Variants in CFAP69 observed in about 807,000 individuals in gnomAD.
CFAP69 encodes the protein cilia- and flagella-associated protein 69.
Under a neutral mutation model 123.0 loss-of-function variants are expected in CFAP69, and 92 were observed. The ratio of observed to expected loss-of-function variants is 0.75; its 90% CI spans 0.63 to 0.89. The LOEUF (loss-of-function observed/expected upper bound fraction) is 0.89, where lower values mean the gene tolerates loss of function less well. CFAP69 is among the 40% of genes least tolerant of loss of function. The pLI, the probability that CFAP69 is intolerant of heterozygous loss-of-function variation, is 0.00. For missense variants in CFAP69, 1,067 were observed against 1,096.9 expected, an observed-to-expected ratio of 0.97 and a Z score of 0.39; for synonymous variants, 380 against 364.3, an observed-to-expected ratio of 1.04 and a Z score of -0.49.
the CFAP69 span, chr7:90,320,806 C>T: frequency 6.6e-6 from 1 of 152,212 alleles, no homozygotes; most frequent in Admixed American, 6.5e-5. Context: ...GTGCAAATTC[C>T]CCAGACTGAG....
At chr7:90,286,716 T>A (rs997691084) in intron 14 of CFAP69, among the ~76,000 whole-genome samples, 2 of 152,168 alleles carry the variant, frequency 1.3e-5, no homozygotes, top group African/African-American at 4.8e-5. Flanking sequence ...CCCTATTCTT[T>A]AAGTTTATAT....
intron 22 of CFAP69, 122 bp from the exon 23 acceptor site, chr7:90,309,946 C>T (rs1039241320): frequency 1.4e-6 from 1 of 731,738 alleles, no homozygotes; most frequent in Admixed American, 2.6e-5. Context: ...TATACCATAA[C>T]TGCCTCCTAG....
intron 15 of CFAP69, among the ~76,000 whole-genome samples, chr7:90,294,499 G>T (rs1431443977): frequency 3.3e-5 from 5 of 151,878 alleles, no homozygotes; most frequent in Non-Finnish European, 7.4e-5. Context: ...CGCAGAAGAT[G>T]AAGGACTCCT....
At chr7:90,274,242 C>T (rs2116952406) in intron 9 of CFAP69, 132 bp downstream of exon 9, 1 of 1,067,436 alleles carries the variant, frequency 9.4e-7, no homozygotes, top group Non-Finnish European at 1.3e-6. Flanking sequence ...TCTTGATGGT[C>T]ACCAGTGTGC....
intron 1 of CFAP69, among the ~76,000 whole-genome samples, chr7:90,253,999 G>T (rs1032899825): frequency 1.3e-5 from 2 of 152,080 alleles, no homozygotes; most frequent in African/African-American, 4.8e-5. Flanking sequence ...AATCCATTTT[G>T]ATTTGATTTT....
intron 16 of CFAP69, 118 bp from the exon 17 acceptor site, chr7:90,299,749 T>C: frequency 1.2e-6 from 1 of 811,038 alleles, no homozygotes; most frequent in Non-Finnish European, 1.9e-6. Context: ...GAGATTTTCC[T>C]GACTCTGAGT....
intron 15 of CFAP69, among the ~76,000 whole-genome samples, chr7:90,291,444 G>A (rs2117211002): frequency 6.6e-6 from 1 of 152,200 alleles, no homozygotes; most frequent in Middle Eastern, 3.4e-3. Context: ...TATCCCCAAG[G>A]TCTTCATGAC....
the CFAP69 span, chr7:90,316,647 T>G: frequency 3.9e-5 from 6 of 152,186 alleles, no homozygotes; most frequent in African/African-American, 1.4e-4. Flanking sequence ...CAGATGACAC[T>G]ATTTGTGCCA....
At chr7:90,303,394 A>G in intron 17 of CFAP69, 1 of 201,786 alleles carries the variant, frequency 5.0e-6, no homozygotes, top group South Asian at 1.7e-4. Flanking sequence ...GCCAGTTTAC[A>G]AAGGGAATGC....
At chr7:90,268,435 A>T (rs1799468695) in intron 6 of CFAP69, 51 bp downstream of exon 6, 1 of 1,289,558 alleles carries the variant, frequency 7.8e-7, no homozygotes, top group Admixed American at 1.9e-5. Context: ...TAGAAAACAG[A>T]ACATTCTCAT....
At chr7:90,259,470 G>GTTTT (rs148184888) in intron 3 of CFAP69, among the ~76,000 whole-genome samples, 18,083 of 126,836 alleles carry the variant, frequency 0.14, 2,805 homozygotes, top group East Asian at 0.63. Context: ...TTGTTTTGGG[G>GTTTT]TGTTTGTTTG....
At chr7:90,304,405 G>T in intron 18 of CFAP69, 1 of 1,201,456 alleles carries the variant, frequency 8.3e-7, no homozygotes. Flanking sequence ...TGAGTCACTT[G>T]AGTTTTTTTT....
At chr7:90,298,388 G>A (rs1792302086) in intron 16 of CFAP69, among the ~76,000 whole-genome samples, 1 of 152,110 alleles carries the variant, frequency 6.6e-6, no homozygotes, top group Non-Finnish European at 1.5e-5. Context: ...CCCCTTACTA[G>A]CCTCAATTCT....
chr7:90,282,448 G>A (rs1789633624), intron 12 of CFAP69, among the ~76,000 whole-genome samples: 1 of 152,120 alleles, frequency 6.6e-6, no homozygotes, highest in African/African-American at 2.4e-5. Flanking sequence ...GATGTATCCT[G>A]TATTATTCTG....
chr7:90,260,583 A>T (rs2116725232), intron 3 of CFAP69, among the ~76,000 whole-genome samples: 2 of 152,300 alleles, frequency 1.3e-5, no homozygotes, highest in Middle Eastern at 6.8e-3. Context: ...AGCTCATTCC[A>T]GTTCAAAACC....
chr7:90,305,184 T>C (rs896191707), intron 19 of CFAP69, among the ~76,000 whole-genome samples: 4 of 151,472 alleles, frequency 2.6e-5, no homozygotes, highest in African/African-American at 9.7e-5. Flanking sequence ...CTACTAAAAA[T>C]ACAAAAATTA....
intron 15 of CFAP69, 71 bp from the exon 16 acceptor site, chr7:90,297,677 TA>T: frequency 1.1e-6 from 1 of 908,600 alleles, no homozygotes; most frequent in Non-Finnish European, 1.7e-6. Context: ...AATGCTTTGA[TA>T]AAGATAAAGC....
intron 21 of CFAP69, among the ~76,000 whole-genome samples, chr7:90,308,406 A>C (rs757125017): frequency 3.3e-5 from 5 of 152,118 alleles, no homozygotes; most frequent in Non-Finnish European, 7.4e-5. Flanking sequence ...ATATGTGAGA[A>C]ACACCATGGA....
chr7:90,251,950 A>G (rs1797061954), intron 1 of CFAP69: 1 of 152,208 alleles, frequency 6.6e-6, no homozygotes, highest in African/African-American at 2.4e-5. Context: ...TGCTCTTTAC[A>G]GCTAATTGAT....
Sources: allele counts gnomAD v4.1 joint callset (sites outside exome capture counted in the v4.1 genomes callset), GRCh38; gene constraint gnomAD v4.1.1; transcripts MANE v1.5; gene names NCBI Gene and HGNC (gene_info 2026-07-23, HGNC 2026-07-21).